The following PCCB variants were observed in gnomAD, a reference collection of about 807,000 sequenced individuals.
PCCB encodes the protein propionyl-CoA carboxylase subunit beta.
A neutral mutation model predicts 60.7 loss-of-function variants in PCCB; 43 were observed. That is an observed-to-expected ratio of 0.71 (90% CI 0.55 to 0.91). The LOEUF (loss-of-function observed/expected upper bound fraction) is 0.91, where lower values mean the gene tolerates loss of function less well. Ranked by LOEUF, PCCB falls within the 40% of genes least tolerant of loss-of-function variation. PCCB has a pLI of 0.00. For synonymous variants in PCCB, 276 were observed against 255.9 expected, an observed-to-expected ratio of 1.08 and a Z score of -0.75; for missense variants, 766 against 702.8, an observed-to-expected ratio of 1.09 and a Z score of -1.02.
chr3:136,329,865 G>A (rs374800028), intron 14 of PCCB, 40 bp from the exon 15 acceptor site: 430 of 1,610,844 alleles, frequency 2.7e-4, no homozygotes, highest in Middle Eastern at 4.9e-4. Context: ...GCATCATCTC[G>A]GGATGCAGAT....
intron 1 of PCCB, among the ~76,000 whole-genome samples, chr3:136,251,922 G>T (rs1941527897): frequency 6.6e-6 from 1 of 152,084 alleles, no homozygotes; most frequent in Non-Finnish European, 1.5e-5. Flanking sequence ...TTGTTGCCCA[G>T]GCTGGAGTGC....
chr3:136,268,084 G>A (rs1314304845), intron 5 of PCCB, among the ~76,000 whole-genome samples: 1 of 60,950 alleles, frequency 1.6e-5, no homozygotes, highest in African/African-American at 7.5e-5. Context: ...GTGTGTGTGT[G>A]TAGATATATA....
At position 136,255,891 on chromosome 3, in the gene PCCB, G is replaced by C; in HGVS notation, c.219G>C (p.Leu73Phe). ...CAGCCAGGGAGAGGATCAGTCTCTTGCTGGACCCTGGCAGCTTTGTTGAGA... is the reference window on the plus strand; with the variant it reads ...CAGCCAGGGAGAGGATCAGTCTCTTCCTGGACCCTGGCAGCTTTGTTGAGA... ...KLTARERISL[L>F]LDPGSFVESD... Residue 73 changes from leucine to phenylalanine, a missense_variant, in exon 2 of 15, where the codon TTG (leucine) becomes TTC (phenylalanine). Leu to Phe is a conservative substitution (Grantham distance 22, BLOSUM62 0). Transcript: ENST00000251654. The C allele has an allele frequency of 1.2e-6, 2 of 1,614,094 alleles. No individual in the cohort carries two copies. Among genetic ancestry groups the C allele is most frequent in the Non-Finnish European group, 1.7e-6 (2 of 1,179,996 alleles).
chr3:136,321,226 C>T (rs949840979), intron 10 of PCCB, among the ~76,000 whole-genome samples: 3 of 152,176 alleles, frequency 2.0e-5, no homozygotes, highest in South Asian at 2.1e-4. Flanking sequence ...TACAGGTTTG[C>T]AGCAAAATTG....
In PCCB at chr3:136,283,827, G is replaced by C. The variant is rs759150582; in HGVS notation, c.544-10G>C. 3.2e-6 allele frequency: 5 copies of C among 1,585,788 alleles called. No individual in the cohort carries two copies. Among genetic ancestry groups the C allele is most frequent in the Non-Finnish European group, 3.5e-6 (4 of 1,154,310 alleles). ...TGTAACCAGATGCTTTTGCTTTTCT[G>C]TTTTGGCAGAGGAATGTTACGGCAT... On this transcript the variant is annotated splice_polypyrimidine_tract_variant and intron_variant, in intron 5 of 14. Transcript: ENST00000251654.
chr3:136,301,729 C>CA (rs1221823829), intron 9 of PCCB, among the ~76,000 whole-genome samples: 4 of 152,132 alleles, frequency 2.6e-5, no homozygotes, highest in African/African-American at 9.7e-5. Context: ...CTCTAGAAGT[C>CA]AGATTCTCCC....
At chr3:136,286,369 G>A (rs1243885282) in intron 6 of PCCB, among the ~76,000 whole-genome samples, 1 of 152,234 alleles carries the variant, frequency 6.6e-6, no homozygotes, top group Non-Finnish European at 1.5e-5. Context: ...TCTGAAATCT[G>A]TTCCTCCAGG....
intron 9 of PCCB, among the ~76,000 whole-genome samples, chr3:136,302,654 G>A (rs973131188): frequency 2.5e-5 from 3 of 118,198 alleles, no homozygotes; most frequent in African/African-American, 7.6e-5. Flanking sequence ...ATGCTGGTGT[G>A]CTGCACCTGT....
rs1553778865 is a variant in PCCB, at chr3:136,293,754, A to G, written c.655-2A>G. ...GACTGTTCTGGAAATCTTTTATTTC[A>G]GGACACCTCCTACCTGTTCATCACT... On this transcript the variant is annotated splice_acceptor_variant, in intron 6 of 14. Coordinates refer to ENST00000251654, the MANE Select transcript of PCCB (RefSeq NM_000532.5). LOFTEE classifies it high-confidence loss of function. The G allele has an allele frequency of 2.5e-6, 4 of 1,594,762 alleles. No individual in the cohort carries two copies. The East Asian group carries it at 6.7e-5, about 27-fold the overall frequency.
At chr3:136,312,899 A>G (rs1022492530) in intron 9 of PCCB, among the ~76,000 whole-genome samples, 6 of 152,208 alleles carry the variant, frequency 3.9e-5, no homozygotes, top group African/African-American at 1.4e-4. Flanking sequence ...ATGCTGAGGG[A>G]TTAACAACCA....
intron 1 of PCCB, among the ~76,000 whole-genome samples, chr3:136,253,282 G>A (rs185490662): frequency 6.6e-6 from 1 of 151,768 alleles, no homozygotes; most frequent in Non-Finnish European, 1.5e-5. Context: ...GTATAGACGG[G>A]GTTTCACCAT....
intron 9 of PCCB, 44 bp downstream of exon 9, chr3:136,301,155 A>G: frequency 6.9e-7 from 1 of 1,453,666 alleles, no homozygotes; most frequent in South Asian, 1.1e-5. Flanking sequence ...AGTCAGCCAC[A>G]TTCATGGGCA....
At chr3:136,288,368 CG>C (rs769766146) in intron 6 of PCCB, among the ~76,000 whole-genome samples, 1 of 151,814 alleles carries the variant, frequency 6.6e-6, no homozygotes, top group Non-Finnish European at 1.5e-5. Flanking sequence ...TTTTTTGAGA[CG>C]GAGTCTCCCC....
rs1287661698 is a variant in PCCB, at chr3:136,268,057, T to C, written c.543+5992T>C. Among the ~76,000 whole-genome samples the C allele has an allele frequency of 3.2e-5, 3 of 93,932 alleles. No homozygotes were observed. In the South Asian group the frequency reaches 1.2e-3, roughly 36 times the overall value. The allele number at this position is 93,932 out of a possible 152,430, so 61.6% of individuals were successfully genotyped here. Reference sequence around the variant, plus strand: ...TGCCACCAAACCTGGCTAGTGTGTGTGTGTGTGCGTGTGTGTGTGTGTGTG... The same window carrying C: ...TGCCACCAAACCTGGCTAGTGTGTGCGTGTGTGCGTGTGTGTGTGTGTGTG... On this transcript the variant is annotated intron_variant, in intron 5 of 14. Coordinates refer to ENST00000251654, the MANE Select transcript of PCCB (RefSeq NM_000532.5).
At chr3:136,299,421 T>C (rs1467192795) in intron 8 of PCCB, among the ~76,000 whole-genome samples, 1 of 152,000 alleles carries the variant, frequency 6.6e-6, no homozygotes, top group East Asian at 1.9e-4. Flanking sequence ...CATATGTATG[T>C]ATATGTATGC....
chr3:136,285,539 A>G (rs1237725584), intron 6 of PCCB, among the ~76,000 whole-genome samples: 1 of 150,436 alleles, frequency 6.6e-6, no homozygotes. Flanking sequence ...TTTGTCCCCT[A>G]GACCACTAAA....
At chr3:136,288,185 A>G (rs1430421329) in intron 6 of PCCB, among the ~76,000 whole-genome samples, 4 of 152,232 alleles carry the variant, frequency 2.6e-5, no homozygotes, top group African/African-American at 9.6e-5. Context: ...TTTATGACTC[A>G]GAATGTAGTC....
At chr3:136,261,579 A>G (rs968390900) in intron 4 of PCCB, among the ~76,000 whole-genome samples, 1 of 70,284 alleles carries the variant, frequency 1.4e-5, no homozygotes, top group Non-Finnish European at 3.3e-5. Flanking sequence ...TGCTTTCATG[A>G]AAGTACTACT....
chr3:136,278,241 CCCCAGTGGGAA>C (rs1277940298), intron 5 of PCCB, among the ~76,000 whole-genome samples: 3 of 152,144 alleles, frequency 2.0e-5, no homozygotes, highest in Non-Finnish European at 4.4e-5. Context: ...TTTTCAGGTT[CCCCAGTGGGAA>C]CCTGAAAGCA....
Sources: gnomAD v4.1 joint callset for allele counts (sites outside exome capture counted in the v4.1 genomes callset) on GRCh38, gnomAD v4.1.1 for gene constraint, MANE v1.5 for transcripts, NCBI Gene and HGNC (gene_info 2026-07-23, HGNC 2026-07-21) for gene names.